Variants in ARL13B observed in about 807,000 individuals in gnomAD.
ARL13B encodes the protein ARF like GTPase 13B.
Under a neutral mutation model 56.1 loss-of-function variants are expected in ARL13B, and 36 were observed. That is an observed-to-expected ratio of 0.64 (90% CI 0.49 to 0.85). The LOEUF (loss-of-function observed/expected upper bound fraction) is 0.85, where lower values mean the gene tolerates loss of function less well. Ranked by LOEUF, ARL13B falls within the 40% of genes least tolerant of loss-of-function variation. The pLI is 0.00. For missense variants in ARL13B, 519 were observed against 507.1 expected (o/e 1.02, Z -0.23); for synonymous variants, 178 against 171.1 (o/e 1.04, Z -0.32).
In ARL13B at chr3:94,045,950, C is replaced by CAA. The variant is rs1199964643; in HGVS notation, c.1024+2726_1024+2727dup. ...TGGGCAACAGAGCAAGACTCCATCA[C>CAA]AAAAAAAAAAAAAAAAAGAAAAAAA... On this transcript the variant is annotated intron_variant, in intron 7 of 9. Transcript: ENST00000394222. 4.5e-4 allele frequency among the ~76,000 whole-genome samples: 20 copies of CAA among 44,324 alleles called. 1 individual carries two copies. The highest frequency in any genetic ancestry group is 6.8e-4 in the Admixed American group (3 of 4,384). 29.1% of individuals were successfully genotyped at this position (44,324 alleles called of 152,430 possible). A position where few individuals can be genotyped will look rare whatever the true frequency, so the allele number is the denominator to read the frequency against.
intron 2 of ARL13B, among the ~76,000 whole-genome samples, chr3:93,998,880 C>A (rs1190931103): frequency 6.6e-6 from 1 of 150,870 alleles, no homozygotes; most frequent in Non-Finnish European, 1.5e-5. Flanking sequence ...CTCATGGCTC[C>A]TACTTTTCTA....
intron 1 of ARL13B, 35 bp downstream of exon 1, chr3:93,980,517 G>T (rs1710159377): frequency 2.5e-6 from 4 of 1,605,850 alleles, no homozygotes; most frequent in Admixed American, 1.7e-5. Context: ...CCGTCCTAGG[G>T]GTTGGAGATG....
rs1469466365 is a variant in ARL13B at position 94,055,545 on chromosome 3, G to C, written c.*2282G>C. 1 of 453,816 alleles carries C rather than the reference G, an allele frequency of 2.2e-6. No individual in the cohort carries two copies. Among genetic ancestry groups the C allele is most frequent in the Non-Finnish European group, 4.4e-6 (1 of 226,672 alleles). 28.1% of individuals were successfully genotyped at this position (453,816 alleles called of 1,614,324 possible). On this transcript the variant is annotated 3_prime_UTR_variant, in exon 10 of 10. Coordinates refer to ENST00000394222, the MANE Select transcript of ARL13B (RefSeq NM_001174150.2). ...TTGATGTCTGTCTTGCGTTAAAGCTGTTGGTCAACAGATATGTTTTTATGT... is the reference window on the plus strand; with the variant it reads ...TTGATGTCTGTCTTGCGTTAAAGCTCTTGGTCAACAGATATGTTTTTATGT...
At chr3:94,050,649 A>G (rs1229099575) in intron 8 of ARL13B, among the ~76,000 whole-genome samples, 175 bp from the exon 9 acceptor site, 1 of 152,218 alleles carries the variant, frequency 6.6e-6, no homozygotes, top group African/African-American at 2.4e-5. Context: ...CTATAATTAC[A>G]TTTTAAAATA....
At chr3:93,985,899 A>G (rs1241882618) in intron 1 of ARL13B, among the ~76,000 whole-genome samples, 6 of 152,166 alleles carry the variant, frequency 3.9e-5, no homozygotes, top group African/African-American at 1.2e-4. Context: ...ACAGTACACA[A>G]TGTTTCTAGT....
intron 3 of ARL13B, among the ~76,000 whole-genome samples, chr3:94,023,063 T>G (rs1218210129): frequency 6.6e-6 from 1 of 152,092 alleles, no homozygotes; most frequent in Non-Finnish European, 1.5e-5. Flanking sequence ...ATTCTCTATT[T>G]TTGATTTCCA....
At chr3:94,040,254 T>A (rs528217873) in intron 6 of ARL13B, among the ~76,000 whole-genome samples, 1 of 152,326 alleles carries the variant, frequency 6.6e-6, no homozygotes, top group African/African-American at 2.4e-5. Context: ...ATTATTATAG[T>A]TGCTGTGTTG....
At chr3:94,044,582 G>T (rs1332700154) in intron 7 of ARL13B, among the ~76,000 whole-genome samples, 1 of 143,906 alleles carries the variant, frequency 6.9e-6, no homozygotes. Context: ...CACCGCATCT[G>T]GGAGGTGAGG....
Position 94,054,879 on chromosome 3 carries a change from C to T in ARL13B, c.*1616C>T, listed in dbSNP as rs1173151710. 3.6e-6 allele frequency: 1 copy of T among 276,326 alleles called. No individual in the cohort carries two copies. Among genetic ancestry groups the T allele is most frequent in the Non-Finnish European group, 7.2e-6 (1 of 138,520 alleles). 17.1% of individuals were successfully genotyped at this position (276,326 alleles called of 1,614,324 possible). ...AAGCAATACGAAAAGACAATGTAAACTTTGAAAAGGATTTTAGAGGGAAAA... is the reference window on the plus strand; with the variant it reads ...AAGCAATACGAAAAGACAATGTAAATTTTGAAAAGGATTTTAGAGGGAAAA... On this transcript the variant is annotated 3_prime_UTR_variant, in exon 10 of 10. Transcript: ENST00000394222.
chr3:94,022,008 T>C (rs1186947244), intron 3 of ARL13B, among the ~76,000 whole-genome samples: 1 of 152,208 alleles, frequency 6.6e-6, no homozygotes, highest in Non-Finnish European at 1.5e-5. Flanking sequence ...CAATTCTCCA[T>C]TCCTTAAAGA....
intron 7 of ARL13B, among the ~76,000 whole-genome samples, chr3:94,046,266 C>T (rs2107178000): frequency 6.6e-6 from 1 of 151,996 alleles, no homozygotes; most frequent in East Asian, 1.9e-4. Flanking sequence ...TTTAGTAATC[C>T]CTTCTTTCCT....
rs1195336254 is a variant in ARL13B at position 94,054,857 on chromosome 3, CA to C, written c.*1596del. The C allele has an allele frequency of 5.0e-5, 17 of 342,948 alleles. No homozygotes were observed. Among genetic ancestry groups the C allele is most frequent in the African/African-American group, 3.7e-4 (17 of 45,788 alleles). 21.2% of individuals were successfully genotyped at this position (342,948 alleles called of 1,614,324 possible). ...GAGGTGGCTGAAATGTGATGAAAAGCAATACGAAAAGACAATGTAAACTTTG... is the reference window on the plus strand; with the variant it reads ...GAGGTGGCTGAAATGTGATGAAAAGCATACGAAAAGACAATGTAAACTTTG... On this transcript the variant is annotated 3_prime_UTR_variant, in exon 10 of 10. Coordinates refer to ENST00000394222, the MANE Select transcript of ARL13B (RefSeq NM_001174150.2).
chr3:94,032,099 C>G (rs933707607), intron 3 of ARL13B, among the ~76,000 whole-genome samples: 1 of 152,084 alleles, frequency 6.6e-6, no homozygotes, highest in African/African-American at 2.4e-5. Flanking sequence ...AACTTCTGCA[C>G]AGCAAAAGAA....
At chr3:94,030,621 A>G (rs999530659) in intron 3 of ARL13B, among the ~76,000 whole-genome samples, 5 of 152,170 alleles carry the variant, frequency 3.3e-5, no homozygotes, top group African/African-American at 9.7e-5. Flanking sequence ...GAACCTAGGT[A>G]TATATCTAGG....
chr3:94,029,334 A>ATATAT (rs2076625062), intron 3 of ARL13B, among the ~76,000 whole-genome samples: 2 of 53,426 alleles, frequency 3.7e-5, no homozygotes, highest in South Asian at 4.3e-4. Flanking sequence ...ATATATATAT[A>ATATAT]TTTATTTTTT....
At chr3:94,005,361 T>G (rs1033192260) in intron 3 of ARL13B, among the ~76,000 whole-genome samples, 3 of 152,184 alleles carry the variant, frequency 2.0e-5, no homozygotes, top group Admixed American at 1.3e-4. Context: ...GGTCTGTTGC[T>G]CTTATAATTA....
chr3:94,002,155 A>G (rs1006264223), intron 2 of ARL13B, among the ~76,000 whole-genome samples: 11 of 152,156 alleles, frequency 7.2e-5, no homozygotes, highest in African/African-American at 1.7e-4. Context: ...AAGACCCTCT[A>G]AACACCGGTG....
chr3:93,982,832 A>G (rs535848550), intron 1 of ARL13B, among the ~76,000 whole-genome samples: 114 of 152,304 alleles, frequency 7.5e-4, no homozygotes, highest in African/African-American at 2.7e-3. Context: ...TTTTCTTAGT[A>G]ATAATCATCC....
chr3:94,046,765 G>C (rs1265819987), intron 7 of ARL13B, among the ~76,000 whole-genome samples: 1 of 151,984 alleles, frequency 6.6e-6, no homozygotes, highest in African/African-American at 2.4e-5. Context: ...ATTGCTGTAG[G>C]TTGCAAACTT....
Sources: allele counts gnomAD v4.1 joint callset (sites outside exome capture counted in the v4.1 genomes callset), GRCh38; gene constraint gnomAD v4.1.1; transcripts MANE v1.5; gene names NCBI Gene and HGNC (gene_info 2026-07-23, HGNC 2026-07-21).